The following LRIG3 variants were observed in gnomAD, a reference collection of about 807,000 sequenced individuals.
LRIG3 encodes leucine rich repeats and immunoglobulin like domains 3, also known as leucine-rich repeats and immunoglobulin-like domains protein 3.
Under a neutral mutation model 114.5 loss-of-function variants are expected in LRIG3, and 76 were observed. The observed-to-expected ratio is 0.66, with a 90% CI of 0.55 to 0.80. LRIG3 has a LOEUF of 0.80. LRIG3 is among the 30% of genes least tolerant of loss of function. The pLI is 0.00. For synonymous variants in LRIG3, 512 were observed against 519.8 expected, an observed-to-expected ratio of 0.98 and a Z score of 0.20; for missense variants, 1,239 against 1,382.8, an observed-to-expected ratio of 0.90 and a Z score of 1.65.
chr12:58,906,266 AG>A (rs1384114516), intron 3 of LRIG3, among the ~76,000 whole-genome samples: 1 of 152,186 alleles, frequency 6.6e-6, no homozygotes, highest in African/African-American at 2.4e-5. Flanking sequence ...GAGTTATAAA[AG>A]TTCCCTTTTT....
intron 11 of LRIG3, 37 bp downstream of exon 11, chr12:58,883,483 A>T (rs757219148): frequency 6.8e-7 from 1 of 1,459,994 alleles, no homozygotes; most frequent in East Asian, 2.3e-5. Context: ...TTTCCCCTCT[A>T]TACTTTCAGA....
intron 5 of LRIG3, among the ~76,000 whole-genome samples, chr12:58,889,772 CA>C (rs1437836028): frequency 6.6e-6 from 1 of 151,996 alleles, no homozygotes. Flanking sequence ...TTCACTCTTT[CA>C]GTAACAATCT....
intron 3 of LRIG3, among the ~76,000 whole-genome samples, chr12:58,902,590 T>C (rs577934922): frequency 1.3e-5 from 2 of 152,244 alleles, no homozygotes; most frequent in African/African-American, 2.4e-5. Flanking sequence ...ATTATTATAA[T>C]ACTTTAAGTT....
At chr12:58,898,015 G>C (rs1871704686) in intron 3 of LRIG3, among the ~76,000 whole-genome samples, 1 of 152,154 alleles carries the variant, frequency 6.6e-6, no homozygotes, top group Non-Finnish European at 1.5e-5. Context: ...GAACAAACTG[G>C]AGTGCAGACA....
chr12:58,905,190 T>C (rs1164166697), intron 3 of LRIG3, among the ~76,000 whole-genome samples: 1 of 152,216 alleles, frequency 6.6e-6, no homozygotes, highest in African/African-American at 2.4e-5. Context: ...CAATGGGAAC[T>C]GTTGAAGGGT....
In LRIG3 at chr12:58,914,438, G is replaced by C. The variant is rs547507939; in HGVS notation, c.237-102C>G. On this transcript the variant is annotated intron_variant, in intron 1 of 18. Coordinates refer to ENST00000320743, the MANE Select transcript of LRIG3 (RefSeq NM_153377.5). ...TCTATGAACACCAGTGAGAGCAGGA[G>C]AAATAATTGGTCTATTCTGTCCACA... 5.7e-6 allele frequency: 5 copies of C among 871,844 alleles called. No individual in the cohort carries two copies. The Admixed American group carries it at 6.4e-5, about 11-fold the overall frequency. The allele number at this position is 871,844 out of a possible 1,614,324, so 54.0% of individuals were successfully genotyped here.
chr12:58,895,927 T>C (rs977514481), intron 3 of LRIG3, among the ~76,000 whole-genome samples: 3 of 152,192 alleles, frequency 2.0e-5, no homozygotes, highest in African/African-American at 7.2e-5. Flanking sequence ...CTTCCAGCTC[T>C]GCAGCCTCTG....
At chr12:58,913,832 C>CA in intron 3 of LRIG3, 150 bp downstream of exon 3, 1 of 604,066 alleles carries the variant, frequency 1.7e-6, no homozygotes, top group Non-Finnish European at 2.8e-6. Context: ...GGCTAGAAAA[C>CA]AAGTTAACCA....
chr12:58,919,534 T>C (rs1872596361), intron 1 of LRIG3: 9 of 1,550,822 alleles, frequency 5.8e-6, no homozygotes, highest in Non-Finnish European at 7.8e-6. Context: ...ATGAAAAGCC[T>C]GACTTCAGTT....
chr12:58,888,292 T>C, intron 7 of LRIG3, 37 bp downstream of exon 7: 1 of 1,599,128 alleles, frequency 6.3e-7, no homozygotes, highest in Non-Finnish European at 8.6e-7. Context: ...TGATCCCTGC[T>C]CTCAAACCTG....
chr12:58,878,663 A>G (rs73354911), intron 14 of LRIG3, among the ~76,000 whole-genome samples, 161 bp downstream of exon 14: 5,144 of 152,278 alleles, frequency 0.034, 288 homozygotes, highest in African/African-American at 0.12. Flanking sequence ...CCCTGACTTC[A>G]AAGTGTTCAA....
chr12:58,889,990 A>G lies in LRIG3; in HGVS notation c.659+6T>C, dbSNP rs1441819008. The stretch of plus-strand genomic sequence containing the variant: ...GAAACAGTATCTAAGAGGACATTTT[A>G]CTTACAGATGTTGCAGTTGGGGCAG... On this transcript the variant is annotated splice_donor_region_variant and intron_variant, in intron 5 of 18. Transcript: ENST00000320743. The G allele has an allele frequency of 1.2e-6, 2 of 1,613,154 alleles. No homozygotes were observed. Among genetic ancestry groups the G allele is most frequent in the South Asian group, 2.2e-5 (2 of 90,878 alleles).
intron 3 of LRIG3, among the ~76,000 whole-genome samples, chr12:58,908,787 ATTCT>A (rs1872165346): frequency 6.6e-6 from 1 of 152,220 alleles, no homozygotes; most frequent in Non-Finnish European, 1.5e-5. Flanking sequence ...TTCCATGAAT[ATTCT>A]TTAATTCATA....
chr12:58,914,103 T>C, intron 2 of LRIG3, 47 bp from the exon 3 acceptor site: 1 of 1,573,776 alleles, frequency 6.4e-7, no homozygotes, highest in South Asian at 1.2e-5. Context: ...GATTAGGTAA[T>C]CTGTAATTCA....
At chr12:58,886,180 G>C (rs563797543) in intron 9 of LRIG3, among the ~76,000 whole-genome samples, 1 of 152,120 alleles carries the variant, frequency 6.6e-6, no homozygotes, top group East Asian at 1.9e-4. Context: ...TTTAGGAATA[G>C]GTAGAGACTT....
intron 1 of LRIG3, among the ~76,000 whole-genome samples, chr12:58,914,970 T>C (rs980327375): frequency 1.3e-5 from 2 of 152,196 alleles, no homozygotes; most frequent in African/African-American, 2.4e-5. Context: ...GTTCAGCAGA[T>C]TGCACAAAAA....
At chr12:58,894,089 A>T (rs1871550086) in intron 3 of LRIG3, among the ~76,000 whole-genome samples, 1 of 152,194 alleles carries the variant, frequency 6.6e-6, no homozygotes, top group Non-Finnish European at 1.5e-5. Context: ...GTAATTATGA[A>T]CAAGGTATTA....
intron 12 of LRIG3, among the ~76,000 whole-genome samples, chr12:58,882,613 T>G (rs1290953688): frequency 6.6e-6 from 1 of 152,228 alleles, no homozygotes; most frequent in South Asian, 2.1e-4. Context: ...ACCCTTCCAT[T>G]CTCCCAAGAT....
intron 18 of LRIG3, chr12:58,873,796 T>C (rs1278649631): frequency 2.1e-5 from 11 of 528,332 alleles, no homozygotes; most frequent in Non-Finnish European, 3.4e-5. Flanking sequence ...CCCCAAACCC[T>C]TGTCTTGGAG....
Sources: gnomAD v4.1 joint callset for allele counts (sites outside exome capture counted in the v4.1 genomes callset) on GRCh38, gnomAD v4.1.1 for gene constraint, MANE v1.5 for transcripts, NCBI Gene and HGNC (gene_info 2026-07-23, HGNC 2026-07-21) for gene names.